MCTP1: variants seen among roughly 807,000 people sequenced by gnomAD.
The protein encoded by MCTP1 is multiple C2 and transmembrane domain containing 1.
MCTP1 carries 69 observed loss-of-function variants against 120.6 expected under a neutral mutation model. The ratio of observed to expected loss-of-function variants is 0.57; its 90% confidence interval spans 0.47 to 0.70. The LOEUF is 0.70. Among genes scored for constraint, MCTP1 ranks in the 30% least tolerant of loss-of-function variants. MCTP1 has a pLI of 0.00. For synonymous variants in MCTP1, 529 were observed against 493.1 expected (o/e 1.07, Z -0.96); for missense variants, 1,203 against 1,248.8 (o/e 0.96, Z 0.55).
At chr5:94,755,189 T>C (rs1349313444) in intron 19 of MCTP1, among the ~76,000 whole-genome samples, 1 of 152,154 alleles carries the variant, frequency 6.6e-6, no homozygotes, top group Non-Finnish European at 1.5e-5. Flanking sequence ...AGGCCATGTG[T>C]GCTTCTTCAA....
chr5:94,808,755 A>G (rs1240728520), intron 17 of MCTP1, among the ~76,000 whole-genome samples: 4 of 152,200 alleles, frequency 2.6e-5, no homozygotes, highest in Admixed American at 6.5e-5. Flanking sequence ...AGGATGAGGT[A>G]TATGGGAAGG....
At chr5:94,761,800 T>G (rs1049230928) in intron 19 of MCTP1, among the ~76,000 whole-genome samples, 3 of 152,228 alleles carry the variant, frequency 2.0e-5, no homozygotes, top group Non-Finnish European at 4.4e-5. Context: ...TGGCCTAAAG[T>G]CTTGCTTGAC....
chr5:95,145,190 C>T lies in MCTP1; in HGVS notation c.721-127706G>A, dbSNP rs139438723. The stretch of plus-strand genomic sequence containing the variant: ...ATGGGATTGTGTTCTTGATTTGGCT[C>T]AGAGCTAGGATGTTATTGGTGTATA... On this transcript the variant is annotated intron_variant, in intron 1 of 22. Transcript: ENST00000515393. Among the ~76,000 whole-genome samples the T allele has an allele frequency of 5.9e-5, 9 of 152,152 alleles. No individual in the cohort carries two copies. In the East Asian group the frequency reaches 1.5e-3, roughly 26 times the overall value.
chr5:95,003,083 T>C (rs2194944), intron 2 of MCTP1, among the ~76,000 whole-genome samples: 23,732 of 152,092 alleles, frequency 0.16, 2,086 homozygotes, highest in East Asian at 0.31. Context: ...TCGCCTGCCA[T>C]CCTGTGAAGA....
At chr5:95,134,352 AT>A (rs1194454459) in intron 1 of MCTP1, among the ~76,000 whole-genome samples, 7 of 152,260 alleles carry the variant, frequency 4.6e-5, no homozygotes, top group African/African-American at 1.7e-4. Context: ...GCAAGATTAC[AT>A]ATAAAAGAAT....
At chr5:94,981,452 C>T (rs1212199510) in intron 2 of MCTP1, among the ~76,000 whole-genome samples, 1 of 152,146 alleles carries the variant, frequency 6.6e-6, no homozygotes, top group Non-Finnish European at 1.5e-5. Flanking sequence ...GAAATACACT[C>T]ACACATTCAA....
Position 94,758,557 on chromosome 5 carries a change from T to G in MCTP1, c.2610+20553A>C, listed in dbSNP as rs940234182. Reference sequence around the variant, plus strand: ...CCTGTAGGTAACGAAGTCAGTCAACTCTTACAAGACAAAAACTGATTTCTT... The same window carrying G: ...CCTGTAGGTAACGAAGTCAGTCAACGCTTACAAGACAAAAACTGATTTCTT... On this transcript the variant is annotated intron_variant, in intron 19 of 22. Transcript: ENST00000515393. 3.1e-4 allele frequency among the ~76,000 whole-genome samples: 47 copies of G among 152,356 alleles called. 1 individual carries two copies. Among genetic ancestry groups the G allele is most frequent in the African/African-American group, 1.1e-3 (46 of 41,584 alleles).
intron 1 of MCTP1, among the ~76,000 whole-genome samples, chr5:95,224,235 A>G (rs1391626890): frequency 1.3e-5 from 2 of 152,226 alleles, no homozygotes; most frequent in East Asian, 3.8e-4. Context: ...GGTTTCTAGG[A>G]TATGCAGCAG....
At chr5:95,184,949 C>A (rs1438885742) in intron 1 of MCTP1, among the ~76,000 whole-genome samples, 1 of 152,186 alleles carries the variant, frequency 6.6e-6, no homozygotes, top group Non-Finnish European at 1.5e-5. Context: ...AAGGCCCTAT[C>A]TGCCAAATTA....
At chr5:94,973,733 A>G (rs889585651) in intron 2 of MCTP1, among the ~76,000 whole-genome samples, 6 of 152,160 alleles carry the variant, frequency 3.9e-5, no homozygotes, top group African/African-American at 1.4e-4. Flanking sequence ...ATAGAAAAAT[A>G]TAATTAAAAG....
At chr5:94,916,394 C>T (rs1283307830) in intron 8 of MCTP1, among the ~76,000 whole-genome samples, 2 of 152,116 alleles carry the variant, frequency 1.3e-5, no homozygotes, top group African/African-American at 4.8e-5. Context: ...TACTTCAGGG[C>T]CCCAGGTGTA....
At chr5:95,222,957 G>A (rs1460842823) in intron 1 of MCTP1, among the ~76,000 whole-genome samples, 2 of 152,218 alleles carry the variant, frequency 1.3e-5, no homozygotes, top group African/African-American at 2.4e-5. Flanking sequence ...CATGAGAGAC[G>A]ATGGTGTGGA....
intron 5 of MCTP1, among the ~76,000 whole-genome samples, chr5:94,938,124 A>T (rs1015467281): frequency 6.6e-6 from 1 of 152,078 alleles, no homozygotes; most frequent in Non-Finnish European, 1.5e-5. Flanking sequence ...ATTGGTCTCC[A>T]GGTATCCATT....
intron 17 of MCTP1, among the ~76,000 whole-genome samples, chr5:94,862,207 G>A (rs1031270658): frequency 2.0e-5 from 3 of 151,716 alleles, no homozygotes; most frequent in East Asian, 2.0e-4. Context: ...GAAGAGCAGC[G>A]ATCATAGGAA....
At chr5:95,202,928 C>T (rs1343404337) in intron 1 of MCTP1, among the ~76,000 whole-genome samples, 2 of 152,042 alleles carry the variant, frequency 1.3e-5, no homozygotes, top group South Asian at 2.1e-4. Context: ...GGGGTTTCAC[C>T]GTGTTGGCCA....
intron 1 of MCTP1, among the ~76,000 whole-genome samples, chr5:95,047,400 T>A (rs1336943390): frequency 6.6e-6 from 1 of 152,110 alleles, no homozygotes; most frequent in Non-Finnish European, 1.5e-5. Context: ...GAAAGTCAAG[T>A]CCTGGGAAGA....
chr5:95,228,423 A>G lies in MCTP1; in HGVS notation c.720+55433T>C, dbSNP rs528181279. Among the ~76,000 whole-genome samples, 4 of 151,866 alleles carry G rather than the reference A, an allele frequency of 2.6e-5. No individual in the cohort carries two copies. The East Asian group carries it at 5.8e-4, about 22-fold the overall frequency. ...ACGTAAAAGTTATCCAAGGGGAAAG[A>G]TAAGAGAGTTTGGGCCAAAAACTTA... is the stretch of plus-strand genomic sequence containing the variant. On this transcript the variant is annotated intron_variant, in intron 1 of 22. Coordinates refer to ENST00000515393, the MANE Select transcript of MCTP1 (RefSeq NM_024717.7).
intron 17 of MCTP1, among the ~76,000 whole-genome samples, chr5:94,817,003 G>A (rs1274870007): frequency 6.6e-6 from 1 of 152,104 alleles, no homozygotes; most frequent in Non-Finnish European, 1.5e-5. Context: ...GATAAGAAAT[G>A]CTCTTGATAA....
intron 1 of MCTP1, among the ~76,000 whole-genome samples, chr5:95,099,659 T>TG (rs1185118976): frequency 6.7e-6 from 1 of 150,028 alleles, no homozygotes; most frequent in Non-Finnish European, 1.5e-5. Context: ...ATAGGAACAC[T>TG]TTTACACTGT....
Sources: allele counts gnomAD v4.1 joint callset (sites outside exome capture counted in the v4.1 genomes callset), GRCh38; gene constraint gnomAD v4.1.1; transcripts MANE v1.5; gene names NCBI Gene and HGNC (gene_info 2026-07-23, HGNC 2026-07-21).